The following AUTS2 variants were observed in gnomAD, a reference collection of about 807,000 sequenced individuals.
AUTS2 encodes autism susceptibility gene 2 protein.
AUTS2 carries 17 observed loss-of-function variants against 112.4 expected under a neutral mutation model. The observed-to-expected ratio is 0.15, with a 90% CI of 0.10 to 0.23. AUTS2 has a LOEUF of 0.23. Ranked by LOEUF, AUTS2 falls within the 10% of genes least tolerant of loss-of-function variation. AUTS2 has a pLI of 1.00. For missense variants in AUTS2, 1,510 were observed against 1,701.6 expected, an observed-to-expected ratio of 0.89 and a Z score of 1.98; for synonymous variants, 751 against 702.7, an observed-to-expected ratio of 1.07 and a Z score of -1.09.
chr7:69,838,183 A>G (rs1023364919), intron 1 of AUTS2, among the ~76,000 whole-genome samples: 1 of 152,176 alleles, frequency 6.6e-6, no homozygotes, highest in Non-Finnish European at 1.5e-5. Context: ...GCATTTGGCA[A>G]AAGTCAGTGG....
At chr7:70,067,719 G>A (rs899203130) in intron 2 of AUTS2, among the ~76,000 whole-genome samples, 1 of 152,052 alleles carries the variant, frequency 6.6e-6, no homozygotes, top group Non-Finnish European at 1.5e-5. Flanking sequence ...GGGAGTGGTG[G>A]CACATGCCTG....
chr7:70,189,791 CTTCA>C (rs926501002), intron 4 of AUTS2, among the ~76,000 whole-genome samples: 2 of 152,118 alleles, frequency 1.3e-5, no homozygotes, highest in African/African-American at 4.8e-5. Context: ...GCACGATGAG[CTTCA>C]TTTTTTGAAG....
At chr7:70,018,362 G>A (rs1800125205) in intron 2 of AUTS2, among the ~76,000 whole-genome samples, 2 of 152,110 alleles carry the variant, frequency 1.3e-5, no homozygotes, top group South Asian at 4.1e-4. Context: ...GTGAACATCT[G>A]TATTTCACAA....
intron 4 of AUTS2, among the ~76,000 whole-genome samples, chr7:70,285,084 A>G (rs1372554842): frequency 2.0e-5 from 3 of 152,024 alleles, no homozygotes; most frequent in East Asian, 3.9e-4. Flanking sequence ...ATGAAACTGC[A>G]TAGTATGAGC....
intron 4 of AUTS2, among the ~76,000 whole-genome samples, chr7:70,189,310 GT>G (rs910752847): frequency 1.3e-5 from 2 of 152,092 alleles, no homozygotes; most frequent in East Asian, 1.9e-4. Flanking sequence ...AAGGACTGTA[GT>G]TTTTTTTACT....
chr7:70,684,618 T>G (rs1443197077), intron 5 of AUTS2, among the ~76,000 whole-genome samples: 1 of 149,496 alleles, frequency 6.7e-6, no homozygotes, highest in African/African-American at 2.5e-5. Flanking sequence ...TGTGGTGTGG[T>G]ATGGTGTGGC....
intron 2 of AUTS2, among the ~76,000 whole-genome samples, chr7:69,941,024 G>A (rs560465310): frequency 6.6e-6 from 1 of 152,284 alleles, no homozygotes; most frequent in Admixed American, 6.5e-5. Context: ...AATATGGATG[G>A]CTTTGCCCAG....
intron 4 of AUTS2, among the ~76,000 whole-genome samples, chr7:70,327,428 A>G (rs1332420917): frequency 6.6e-6 from 1 of 152,236 alleles, no homozygotes; most frequent in Non-Finnish European, 1.5e-5. Flanking sequence ...TAGAATGGAA[A>G]AAGAAATGAG....
At chr7:70,778,230 T>C (rs1210012105) in intron 14 of AUTS2, among the ~76,000 whole-genome samples, 1 of 152,198 alleles carries the variant, frequency 6.6e-6, no homozygotes, top group Non-Finnish European at 1.5e-5. Context: ...CAAGTCTGTA[T>C]TTTACAGTCT....
chr7:69,625,986 G>A (rs565667294), intron 1 of AUTS2, among the ~76,000 whole-genome samples: 11 of 152,234 alleles, frequency 7.2e-5, no homozygotes, highest in South Asian at 2.1e-4. Flanking sequence ...GGAATGGCAT[G>A]CAGAGATAAG....
chr7:70,598,648 G>A (rs905933355), intron 5 of AUTS2, among the ~76,000 whole-genome samples: 45 of 152,176 alleles, frequency 3.0e-4, no homozygotes, highest in Admixed American at 2.6e-3. Context: ...CAGAAATGTT[G>A]CCCAAGGCTA....
intron 2 of AUTS2, among the ~76,000 whole-genome samples, chr7:69,986,547 G>A (rs1421887001): frequency 6.6e-6 from 1 of 152,216 alleles, no homozygotes; most frequent in Non-Finnish European, 1.5e-5. Context: ...GAATGTTACT[G>A]CTCTTGGCCA....
At chr7:70,782,441 A>G (rs1791152306) in intron 15 of AUTS2, 1 of 152,262 alleles carries the variant, frequency 6.6e-6, no homozygotes, top group South Asian at 2.1e-4. Flanking sequence ...GGTGAGGTAG[A>G]GAGTGACGAT....
At chr7:70,687,289 C>T (rs925673455) in intron 5 of AUTS2, among the ~76,000 whole-genome samples, 16 of 152,140 alleles carry the variant, frequency 1.1e-4, no homozygotes, top group Admixed American at 7.2e-4. Flanking sequence ...GCAGAGAGGC[C>T]TCACAGTTCT....
In AUTS2 at chr7:70,325,303, G is replaced by A. The variant is rs569249492; in HGVS notation, c.661-110449G>A. On this transcript the variant is annotated intron_variant, in intron 4 of 18. Transcript: ENST00000342771. ...GGTACCACTTCACTCCAGCCGGAGT[G>A]ACAGAGCAAGCCCCTGTCTCTCAAA... Among the ~76,000 whole-genome samples the A allele has an allele frequency of 2.0e-5, 3 of 151,932 alleles. No homozygotes were observed. The East Asian group carries it at 5.8e-4, about 30-fold the overall frequency.
intron 1 of AUTS2, among the ~76,000 whole-genome samples, chr7:69,829,531 C>T (rs528098168): frequency 6.6e-6 from 1 of 152,108 alleles, no homozygotes; most frequent in African/African-American, 2.4e-5. Flanking sequence ...GGAACTTAAA[C>T]AAATTTACAA....
chr7:69,694,454 G>A (rs1421651343), intron 1 of AUTS2, among the ~76,000 whole-genome samples: 2 of 152,118 alleles, frequency 1.3e-5, no homozygotes, highest in African/African-American at 4.8e-5. Context: ...AATAGAAAAC[G>A]TAATGACATG....
chr7:70,084,735 G>C (rs1025543270), intron 2 of AUTS2, among the ~76,000 whole-genome samples: 1 of 151,786 alleles, frequency 6.6e-6, no homozygotes, highest in Non-Finnish European at 1.5e-5. Flanking sequence ...TTTTTTTCTT[G>C]AGTGTCGAGT....
intron 4 of AUTS2, among the ~76,000 whole-genome samples, chr7:70,309,895 G>A (rs1325274649): frequency 2.0e-5 from 3 of 152,174 alleles, no homozygotes; most frequent in African/African-American, 7.2e-5. Context: ...ACCTAAGAGG[G>A]GAGAGGTAAA....
Sources: allele counts gnomAD v4.1 joint callset (sites outside exome capture counted in the v4.1 genomes callset), GRCh38; gene constraint gnomAD v4.1.1; transcripts MANE v1.5; gene names NCBI Gene and HGNC (gene_info 2026-07-23, HGNC 2026-07-21).